The following NAV1 variants were observed in gnomAD, a reference collection of about 807,000 sequenced individuals.
NAV1 encodes the protein pore membrane and/or filament interacting like protein 3.
NAV1 carries 18 observed loss-of-function variants against 175.2 expected under a neutral mutation model. The observed-to-expected ratio is 0.10, with a 90% CI of 0.07 to 0.15. The LOEUF (loss-of-function observed/expected upper bound fraction) is 0.15. Among genes scored for constraint, NAV1 ranks in the 10% least tolerant of loss-of-function variants. The pLI is 1.00. For synonymous variants in NAV1, 897 were observed against 978.7 expected (o/e 0.92, Z 1.56); for missense variants, 1,731 against 2,436.6 (o/e 0.71, Z 6.10).
chr1:201,563,419 G>C lies in NAV1; in HGVS notation c.-144+24077G>C, dbSNP rs74583669. On this transcript the variant is annotated intron_variant, in intron 1 of 33. Transcript: ENST00000685211. Reference sequence around the variant, plus strand: ...ATGTTGGAACTGGGCCCAGAGAAAAGCATACGAGACCACAATCCCCAAGAC... The same window carrying C: ...ATGTTGGAACTGGGCCCAGAGAAAACCATACGAGACCACAATCCCCAAGAC... 6.0e-3 allele frequency among the ~76,000 whole-genome samples: 915 copies of C among 151,922 alleles called. 8 individuals are homozygous for C. Among genetic ancestry groups the C allele is most frequent in the African/African-American group, 0.021 (878 of 41,406 alleles).
At chr1:201,599,416 C>T (rs1217665380) in intron 2 of NAV1, among the ~76,000 whole-genome samples, 2 of 152,204 alleles carry the variant, frequency 1.3e-5, no homozygotes, top group Non-Finnish European at 2.9e-5. Context: ...CTTGGACGGC[C>T]CCTTCCATCC....
chr1:201,799,230 T>C (rs892680537), intron 15 of NAV1, among the ~76,000 whole-genome samples: 118 of 151,968 alleles, frequency 7.8e-4, no homozygotes, highest in African/African-American at 2.6e-3. Flanking sequence ...AAACAAAATA[T>C]TAACAATTGT....
At chr1:201,664,268 G>T (rs577248949) in intron 1 of NAV1, among the ~76,000 whole-genome samples, 1 of 152,296 alleles carries the variant, frequency 6.6e-6, no homozygotes, top group East Asian at 1.9e-4. Flanking sequence ...CTTGAACCCA[G>T]GAGGTGAAGG....
exon 1 of NAV1, chr1:201,648,455 C>T: frequency 1.7e-6 from 2 of 1,165,148 alleles, no homozygotes; most frequent in Non-Finnish European, 2.1e-6. Flanking sequence ...TTTTTCCCGG[C>T]TTCCTTCCTC....
rs762234336 is a variant in NAV1 at position 201,812,757 on chromosome 1, G to A, written c.5221+96G>A. 248 of 1,130,340 alleles carry A rather than the reference G, an allele frequency of 2.2e-4. No individual in the cohort carries two copies. The highest frequency in any genetic ancestry group is 3.1e-4 in the Non-Finnish European group (238 of 774,322). The allele number at this position is 1,130,340 out of a possible 1,614,324, so 70.0% of individuals were successfully genotyped here. On this transcript the variant is annotated intron_variant, in intron 27 of 29. Coordinates refer to ENST00000367296, the Ensembl canonical transcript of NAV1. The surrounding 1 kb of genome is among the most constrained non-coding windows in gnomAD (Gnocchi z 4.6). ...GCTCCCTTCTCTTCCTGGAGTCTTCGGCATGTAAAGGAGCTGCAAGCCTTG... is the reference window on the plus strand; with the variant it reads ...GCTCCCTTCTCTTCCTGGAGTCTTCAGCATGTAAAGGAGCTGCAAGCCTTG...
upstream of NAV1, among the ~76,000 whole-genome samples, chr1:201,645,798 G>A (rs867330953): frequency 1.1e-4 from 16 of 152,218 alleles, no homozygotes; most frequent in African/African-American, 2.9e-4. Flanking sequence ...GAGACAGCAA[G>A]TAAGAGCAAC....
chr1:201,720,748 C>A (rs1375414883), intron 3 of NAV1, among the ~76,000 whole-genome samples: 1 of 152,194 alleles, frequency 6.6e-6, no homozygotes, highest in Non-Finnish European at 1.5e-5. Context: ...TAGAATAATT[C>A]CTGGCTCATT....
At chr1:201,796,622 C>T (rs1466963122) in intron 15 of NAV1, 2 of 8,832 alleles carry the variant, frequency 2.3e-4, no homozygotes, top group African/African-American at 2.4e-4. Context: ...GCCACACACC[C>T]AGCCCTTATA....
chr1:201,659,736 G>A (rs1669534693), intron 1 of NAV1, among the ~76,000 whole-genome samples: 1 of 152,230 alleles, frequency 6.6e-6, no homozygotes, highest in Non-Finnish European at 1.5e-5. Flanking sequence ...AACTAGATGG[G>A]GACTAGCTGG....
chr1:201,548,562 TA>T (rs146985000), intron 1 of NAV1, among the ~76,000 whole-genome samples: 2 of 151,922 alleles, frequency 1.3e-5, no homozygotes, highest in Non-Finnish European at 2.9e-5. Flanking sequence ...TCCCATCTCT[TA>T]AAAAAATAAA....
At chr1:201,801,848 T>C (rs1677887053) in intron 15 of NAV1, among the ~76,000 whole-genome samples, 1 of 152,006 alleles carries the variant, frequency 6.6e-6, no homozygotes, top group Non-Finnish European at 1.5e-5. Flanking sequence ...TAAAAGACAT[T>C]GAGGGGGCCA....
At chr1:201,697,230 C>G (rs905564890) in intron 1 of NAV1, among the ~76,000 whole-genome samples, 5 of 152,106 alleles carry the variant, frequency 3.3e-5, no homozygotes, top group African/African-American at 1.2e-4. Context: ...GCAGATGGGC[C>G]GAGTCACAGG....
At chr1:201,714,235 G>A (rs557314704) in intron 2 of NAV1, among the ~76,000 whole-genome samples, 79 of 152,148 alleles carry the variant, frequency 5.2e-4, no homozygotes, top group Non-Finnish European at 9.8e-4. Flanking sequence ...CAGTCACCCC[G>A]GTGCATTGTG....
At chr1:201,734,143 C>T (rs1175249614) in intron 3 of NAV1, among the ~76,000 whole-genome samples, 3 of 152,098 alleles carry the variant, frequency 2.0e-5, no homozygotes, top group African/African-American at 7.2e-5. Flanking sequence ...TGTGATGGCT[C>T]ACACCTCTCA....
chr1:201,794,812 C>G, intron 15 of NAV1: 1 of 526,046 alleles, frequency 1.9e-6, no homozygotes, highest in Non-Finnish European at 3.4e-6. Context: ...CCCAGGGGTC[C>G]TCTCCTTAAC....
intron 1 of NAV1, among the ~76,000 whole-genome samples, chr1:201,690,476 A>G (rs1286734113): frequency 2.0e-4 from 17 of 85,452 alleles, no homozygotes; most frequent in East Asian, 3.9e-4. Context: ...GTGGCAGAGT[A>G]TGTCTATTTC....
chr1:201,754,072 C>G (rs1237512497), intron 3 of NAV1, among the ~76,000 whole-genome samples: 1 of 152,108 alleles, frequency 6.6e-6, no homozygotes, highest in Non-Finnish European at 1.5e-5. Flanking sequence ...TCTTTCCTGC[C>G]ACAGACCCTA....
At position 201,539,165 on chromosome 1, in the gene NAV1, C is replaced by A. The variant is rs540353598; in HGVS notation, c.-321C>A. 9.2e-5 allele frequency among the ~76,000 whole-genome samples: 14 copies of A among 152,328 alleles called. No individual in the cohort carries two copies. Among genetic ancestry groups the A allele is most frequent in the East Asian group, 3.9e-4 (2 of 5,180 alleles). ...GGCCGGCGGCTGCCCTAGTGCGGGGCCCGAGGCTGGAGTGCGCGGCGGACG... is the reference window on the plus strand; with the variant it reads ...GGCCGGCGGCTGCCCTAGTGCGGGGACCGAGGCTGGAGTGCGCGGCGGACG... On this transcript the variant is annotated 5_prime_UTR_variant, in exon 1 of 34. Coordinates refer to the NAV1 transcript ENST00000685211. The surrounding 1 kb of genome is among the most constrained non-coding windows in gnomAD (Gnocchi z 5.6).
At chr1:201,732,548 G>C (rs113449587) in intron 3 of NAV1, among the ~76,000 whole-genome samples, 2,191 of 152,180 alleles carry the variant, frequency 0.014, 58 homozygotes, top group African/African-American at 0.05. Flanking sequence ...GAGTAGCAAA[G>C]TAGATGGAAC....
Sources: allele counts gnomAD v4.1 joint callset (sites outside exome capture counted in the v4.1 genomes callset), GRCh38; gene constraint gnomAD v4.1.1; non-coding constraint Gnocchi (gnomAD v3.1); transcripts MANE v1.5; gene names NCBI Gene and HGNC (gene_info 2026-07-23, HGNC 2026-07-21).